The following RP1 variants were observed in gnomAD, a reference collection of about 807,000 sequenced individuals.
RP1 encodes oxygen-regulated protein 1.
RP1 carries 16 observed loss-of-function variants against 14.8 expected under a neutral mutation model. The observed-to-expected ratio is 1.08, with a 90% CI of 0.73 to 1.65. RP1 has a LOEUF of 1.65. Ranked by LOEUF, RP1 falls within the 40% of genes most tolerant of loss-of-function variation. The probability of loss-of-function intolerance (pLI) is 0.00; values close to 1 mark genes in which losing one functional copy is unlikely to be tolerated. For missense variants in RP1, 2,631 were observed against 2,535.0 expected, an observed-to-expected ratio of 1.04 and a Z score of -0.81; for synonymous variants, 876 against 883.6, an observed-to-expected ratio of 0.99 and a Z score of 0.15.
At chr8:54,830,782 C>A (rs555034855) in intron 24 of RP1, among the ~76,000 whole-genome samples, 1 of 152,228 alleles carries the variant, frequency 6.6e-6, no homozygotes, top group African/African-American at 2.4e-5. Context: ...TCATGTTATG[C>A]AGCCACTACC....
At chr8:54,778,188 G>A (rs556914327) in intron 23 of RP1, among the ~76,000 whole-genome samples, 4 of 152,238 alleles carry the variant, frequency 2.6e-5, no homozygotes, top group African/African-American at 9.6e-5. Flanking sequence ...CAATCTGGGT[G>A]GAGAGTGTCC....
At chr8:54,780,807 C>T (rs1810168558) in intron 23 of RP1, 1 of 419,212 alleles carries the variant, frequency 2.4e-6, no homozygotes, top group Non-Finnish European at 3.2e-6. Context: ...TTTCTGGAAC[C>T]AATCCTCCAC....
chr8:54,638,102 C>A (rs1354766353), intron 3 of RP1, among the ~76,000 whole-genome samples: 3 of 152,088 alleles, frequency 2.0e-5, no homozygotes, highest in Non-Finnish European at 4.4e-5. Context: ...TTATTGAAAT[C>A]TTAGTTTAGG....
downstream of RP1, among the ~76,000 whole-genome samples, chr8:54,635,427 G>A (rs1022336822): frequency 1.3e-5 from 2 of 152,116 alleles, no homozygotes; most frequent in Non-Finnish European, 2.9e-5. Context: ...TAGGATGGTA[G>A]GTTCATGGGA....
At chr8:54,740,933 G>C (rs1809067955) in intron 19 of RP1, among the ~76,000 whole-genome samples, 1 of 151,846 alleles carries the variant, frequency 6.6e-6, no homozygotes, top group Non-Finnish European at 1.5e-5. Context: ...CTAGTCGGGA[G>C]GCTGAGGCAG....
downstream of RP1, among the ~76,000 whole-genome samples, chr8:54,771,322 C>A (rs1809899253): frequency 6.6e-6 from 1 of 151,852 alleles, no homozygotes; most frequent in African/African-American, 2.4e-5. Flanking sequence ...AAAAATTATC[C>A]ATTAATACCA....
At chr8:54,852,555 C>A in intron 25 of RP1, 1 of 1,226,160 alleles carries the variant, frequency 8.2e-7, no homozygotes, top group Non-Finnish European at 1.0e-6. Context: ...AAGATAATAT[C>A]AGATTTCTTA....
At chr8:54,844,218 A>G (rs1811860788) in intron 25 of RP1, among the ~76,000 whole-genome samples, 1 of 151,636 alleles carries the variant, frequency 6.6e-6, no homozygotes. Flanking sequence ...GGCCCAAAGA[A>G]CCCTTCATAC....
At chr8:54,774,752 A>C (rs1563372527), downstream of RP1, among the ~76,000 whole-genome samples, 1 of 152,226 alleles carries the variant, frequency 6.6e-6, no homozygotes, top group Non-Finnish European at 1.5e-5. Flanking sequence ...TTTGACACTG[A>C]AACAGTAATA....
At chr8:54,783,553 A>C (rs1810240945) in exon 24 of RP1, 1 of 1,230,746 alleles carries the variant, frequency 8.1e-7, no homozygotes, top group South Asian at 4.1e-5. Flanking sequence ...GCAGATGGAG[A>C]CTGGAAGGTG....
intron 17 of RP1, among the ~76,000 whole-genome samples, chr8:54,733,337 T>C (rs1200809787): frequency 6.6e-6 from 1 of 152,134 alleles, no homozygotes; most frequent in Non-Finnish European, 1.5e-5. Context: ...CTGCATATAA[T>C]AGGAGCTTAA....
In RP1 at chr8:54,620,634, T is replaced by TA. The variant is rs528683791; in HGVS notation, c.-12-320dup. ...ATGATCATCTTTCTATGCCAAAAGA[T>TA]ACATCTATAAGGTCATGTTTAATGG... is the stretch of plus-strand genomic sequence containing the variant. On this transcript the variant is annotated intron_variant, in intron 1 of 3. Transcript: ENST00000220676. Among the ~76,000 whole-genome samples, 328 of 152,368 alleles carry TA rather than the reference T, an allele frequency of 2.2e-3. 1 individual carries two copies. The highest frequency in any genetic ancestry group is 7.7e-3 in the African/African-American group (319 of 41,596).
At chr8:54,686,620 T>C (rs1807569642) in intron 12 of RP1, among the ~76,000 whole-genome samples, 1 of 152,118 alleles carries the variant, frequency 6.6e-6, no homozygotes, top group South Asian at 2.1e-4. Context: ...AACAATACTG[T>C]AACAACATTG....
chr8:54,732,306 C>G (rs115803745), intron 17 of RP1, among the ~76,000 whole-genome samples: 4,427 of 152,276 alleles, frequency 0.029, 124 homozygotes, highest in African/African-American at 0.065. Context: ...TCCGCTACAC[C>G]TGAACTTTTC....
intron 24 of RP1, among the ~76,000 whole-genome samples, chr8:54,801,963 T>C (rs1810718882): frequency 6.6e-6 from 1 of 152,238 alleles, no homozygotes; most frequent in Non-Finnish European, 1.5e-5. Context: ...TCTACATCTC[T>C]GAGCTCACGC....
intron 22 of RP1, among the ~76,000 whole-genome samples, chr8:54,767,636 A>T (rs1191500397): frequency 2.0e-5 from 3 of 152,202 alleles, no homozygotes; most frequent in Non-Finnish European, 4.4e-5. Flanking sequence ...CTGGGATTAC[A>T]GGTGTGAGCC....
intron 15 of RP1, among the ~76,000 whole-genome samples, chr8:54,712,044 G>T (rs774820301): frequency 3.9e-5 from 6 of 152,294 alleles, no homozygotes; most frequent in Non-Finnish European, 5.9e-5. Flanking sequence ...TGGAGTCACT[G>T]TGTGATATTT....
At chr8:54,613,850 G>A (rs541488816), upstream of RP1, among the ~76,000 whole-genome samples, 73 of 152,276 alleles carry the variant, frequency 4.8e-4, no homozygotes, top group Non-Finnish European at 8.1e-4. Flanking sequence ...CATATGGATC[G>A]AAATGAAATT....
downstream of RP1, among the ~76,000 whole-genome samples, chr8:54,632,295 A>G (rs952327266): frequency 3.3e-5 from 5 of 152,244 alleles, no homozygotes; most frequent in Admixed American, 6.5e-5. Context: ...TTCAAGAAAT[A>G]TGGCATGCAG....
Sources: gnomAD v4.1 joint callset for allele counts (sites outside exome capture counted in the v4.1 genomes callset) on GRCh38, gnomAD v4.1.1 for gene constraint, MANE v1.5 for transcripts, NCBI Gene and HGNC (gene_info 2026-07-23, HGNC 2026-07-21) for gene names.